Variants in PDE5A observed in about 807,000 individuals in gnomAD.
PDE5A encodes the protein cGMP-specific 3',5'-cyclic phosphodiesterase.
In PDE5A, 67 loss-of-function variants were observed where a neutral mutation model predicts 110.2. The observed-to-expected ratio is 0.61, with a 90% CI of 0.50 to 0.75. PDE5A has a LOEUF of 0.75. PDE5A is among the 30% of genes least tolerant of loss of function. The pLI is 0.00. For missense variants in PDE5A, 862 were observed against 1,045.1 expected (o/e 0.82, Z 2.42); for synonymous variants, 328 against 351.2 (o/e 0.93, Z 0.74).
chr4:119,561,616 TTAAG>T (rs1190154736), intron 6 of PDE5A, among the ~76,000 whole-genome samples: 1 of 152,176 alleles, frequency 6.6e-6, no homozygotes, highest in African/African-American at 2.4e-5. Flanking sequence ...AAATTACAGA[TTAAG>T]TGACATACTA....
intron 2 of PDE5A, among the ~76,000 whole-genome samples, chr4:119,599,962 A>G (rs899292590): frequency 2.0e-5 from 3 of 152,144 alleles, no homozygotes; most frequent in African/African-American, 7.2e-5. Context: ...ACTCTTTTTT[A>G]AAATATTGAA....
intron 9 of PDE5A, among the ~76,000 whole-genome samples, chr4:119,552,201 A>G (rs80165120): frequency 1.5e-3 from 222 of 152,246 alleles, no homozygotes; most frequent in African/African-American, 5.3e-3. Context: ...ATAACCTATA[A>G]CCTAAACTAC....
chr4:119,538,887 C>T, intron 11 of PDE5A, 73 bp downstream of exon 11: 1 of 1,058,734 alleles, frequency 9.4e-7, no homozygotes, highest in South Asian at 1.3e-5. Flanking sequence ...AAGTATCCAT[C>T]TAAATATTTA....
Position 119,627,932 on chromosome 4 carries a change from A to C in PDE5A, c.152+588T>G. The C allele has an allele frequency of 4.2e-6, 2 of 477,306 alleles. No homozygotes were observed. The highest frequency in any genetic ancestry group is 2.1e-5 in the African/African-American group (1 of 47,854). The allele number at this position is 477,306 out of a possible 1,614,324, so 29.6% of individuals were successfully genotyped here. A position where few individuals can be genotyped will look rare whatever the true frequency, so the allele number is the denominator to read the frequency against. The stretch of plus-strand genomic sequence containing the variant: ...CGGCACAGCCTTCGGCGGAAAAGCG[A>C]GTGAAAGGAGGCGCGCGGGACAAGC... On this transcript the variant is annotated intron_variant, in intron 1 of 20. Transcript: ENST00000354960. This position sits in a 1 kb window ranked among gnomAD's most constrained non-coding sequence, Gnocchi z 4.6.
intron 2 of PDE5A, among the ~76,000 whole-genome samples, chr4:119,599,913 C>T (rs1729283914): frequency 6.6e-6 from 1 of 151,850 alleles, no homozygotes; most frequent in South Asian, 2.1e-4. Flanking sequence ...GATGGCTGAC[C>T]TCTCCCAAGA....
intron 3 of PDE5A, among the ~76,000 whole-genome samples, chr4:119,578,794 T>TA (rs1728479597): frequency 6.6e-6 from 1 of 152,106 alleles, no homozygotes; most frequent in Admixed American, 6.6e-5. Context: ...ACTTCATGTC[T>TA]AAAACACCAA....
chr4:119,628,222 A>G, intron 1 of PDE5A: 1 of 227,424 alleles, frequency 4.4e-6, no homozygotes, highest in Non-Finnish European at 8.2e-6. Context: ...GGGCTAGGGG[A>G]AGGCCCGTGA....
At chr4:119,611,776 T>C (rs564110075) in intron 1 of PDE5A, among the ~76,000 whole-genome samples, 34 of 152,208 alleles carry the variant, frequency 2.2e-4, no homozygotes, top group African/African-American at 8.2e-4. Flanking sequence ...AGAGTTCTCA[T>C]GACTACATTA....
At chr4:119,539,177 C>T (rs562020136) in intron 10 of PDE5A, 158 bp from the exon 11 acceptor site, 19 of 637,386 alleles carry the variant, frequency 3.0e-5, no homozygotes, top group Non-Finnish European at 5.4e-5. Context: ...AGTGAAAAAC[C>T]CAGATTTAGA....
At chr4:119,579,531 C>T (rs9998244) in intron 3 of PDE5A, among the ~76,000 whole-genome samples, 2,283 of 152,002 alleles carry the variant, frequency 0.015, 60 homozygotes, top group African/African-American at 0.052. Context: ...GAGTTCATGT[C>T]CTTTGTAGGG....
chr4:119,615,403 G>A (rs1288376096), intron 1 of PDE5A, among the ~76,000 whole-genome samples: 1 of 151,946 alleles, frequency 6.6e-6, no homozygotes, highest in Non-Finnish European at 1.5e-5. Context: ...CTGGGTTAAG[G>A]AGCAATGGCT....
At chr4:119,569,192 C>T (rs147223220) in intron 3 of PDE5A, among the ~76,000 whole-genome samples, 2 of 152,076 alleles carry the variant, frequency 1.3e-5, no homozygotes, top group African/African-American at 4.8e-5. Context: ...CATGTACTAC[C>T]ATGCCTGGTT....
intron 7 of PDE5A, among the ~76,000 whole-genome samples, chr4:119,557,167 ATTC>A (rs1727573166): frequency 6.6e-6 from 1 of 152,166 alleles, no homozygotes; most frequent in Non-Finnish European, 1.5e-5. Context: ...GAGGCCCAGT[ATTC>A]TTCTCACAGT....
chr4:119,601,414 G>C (rs1052498653), intron 2 of PDE5A, among the ~76,000 whole-genome samples: 2 of 152,114 alleles, frequency 1.3e-5, no homozygotes, highest in Non-Finnish European at 2.9e-5. Context: ...CTGGCATTCT[G>C]GAGAAGGCAT....
intron 12 of PDE5A, among the ~76,000 whole-genome samples, chr4:119,522,495 A>G (rs1179203378): frequency 6.6e-6 from 1 of 152,092 alleles, no homozygotes; most frequent in Non-Finnish European, 1.5e-5. Context: ...GAAAAAAAAC[A>G]GGAAAACCCA....
At chr4:119,602,878 A>T (rs1221775857) in intron 2 of PDE5A, among the ~76,000 whole-genome samples, 1 of 152,216 alleles carries the variant, frequency 6.6e-6, no homozygotes, top group African/African-American at 2.4e-5. Flanking sequence ...AAGACCCTCT[A>T]AGTTTTCTCT....
intron 2 of PDE5A, among the ~76,000 whole-genome samples, chr4:119,600,291 G>T (rs1367937499): frequency 6.6e-6 from 1 of 152,076 alleles, no homozygotes; most frequent in Non-Finnish European, 1.5e-5. Flanking sequence ...GTTGTTGGAT[G>T]AAATTGGAAG....
chr4:119,553,027 TTAA>T (rs1727413649), intron 8 of PDE5A, among the ~76,000 whole-genome samples: 1 of 152,102 alleles, frequency 6.6e-6, no homozygotes, highest in South Asian at 2.1e-4. Context: ...AACCTGTCCT[TTAA>T]TAATACCACT....
chr4:119,577,499 G>A (rs1227218987), intron 3 of PDE5A, among the ~76,000 whole-genome samples: 1 of 151,978 alleles, frequency 6.6e-6, no homozygotes, highest in Non-Finnish European at 1.5e-5. Flanking sequence ...TGATCAAGTG[G>A]GCTTCATCCC....
Sources: allele counts gnomAD v4.1 joint callset (sites outside exome capture counted in the v4.1 genomes callset), GRCh38; gene constraint gnomAD v4.1.1; non-coding constraint Gnocchi (gnomAD v3.1); transcripts MANE v1.5; gene names NCBI Gene and HGNC (gene_info 2026-07-23, HGNC 2026-07-21).